Variants in FAHD2A observed in about 807,000 individuals in gnomAD.
The protein encoded by FAHD2A is oxaloacetate tautomerase FAHD2A, mitochondrial.
Under a neutral mutation model 33.4 loss-of-function variants are expected in FAHD2A, and 27 were observed. That is an observed-to-expected ratio of 0.81 (90% CI 0.60 to 1.11). The LOEUF (loss-of-function observed/expected upper bound fraction) is 1.11, where lower values mean the gene tolerates loss of function less well. FAHD2A is among the 50% of genes most tolerant of loss of function. The probability of loss-of-function intolerance (pLI) is 0.00; values close to 1 mark genes in which losing one functional copy is unlikely to be tolerated. For synonymous variants in FAHD2A, 130 were observed against 153.3 expected (o/e 0.85, Z 1.12); for missense variants, 296 against 395.0 (o/e 0.75, Z 2.12).
chr2:95,413,412 G>A lies in FAHD2A; in HGVS notation c.*455G>A, dbSNP rs1324286317. ...TGGCTCTAGGACACAGCTGTGTTCT[G>A]GGGCTCAGAAGTCTCAGCACAGGCT... On this transcript the variant is annotated 3_prime_UTR_variant, in exon 8 of 8. Transcript: ENST00000233379. The A allele has an allele frequency of 1.8e-5, 28 of 1,598,706 alleles. No individual in the cohort carries two copies. The highest frequency in any genetic ancestry group is 2.2e-5 in the Non-Finnish European group (26 of 1,176,290).
chr2:95,407,176 C>T lies in FAHD2A; in HGVS notation c.462+19C>T. The T allele has an allele frequency of 1.2e-6, 2 of 1,611,952 alleles. No homozygotes were observed. Among genetic ancestry groups the T allele is most frequent in the Middle Eastern group, 2.3e-4 (1 of 4,430 alleles). On this transcript the variant is annotated intron_variant, in intron 3 of 7. Coordinates refer to ENST00000233379, the MANE Select transcript of FAHD2A (RefSeq NM_016044.3). ...GAGCCAGGTCAGTGTCTCCCCACTG[C>T]CCTCCCTAGTCACTGGGCCCATCAC...
At chr2:95,405,048 G>A (rs1294394862) in intron 1 of FAHD2A, among the ~76,000 whole-genome samples, 5 of 152,200 alleles carry the variant, frequency 3.3e-5, no homozygotes, top group African/African-American at 7.2e-5. Context: ...TTTCACCAGC[G>A]TCACTTGCCC....
chr2:95,409,855 G>T (rs1224960448), intron 3 of FAHD2A, among the ~76,000 whole-genome samples: 1 of 152,118 alleles, frequency 6.6e-6, no homozygotes, highest in Non-Finnish European at 1.5e-5. Flanking sequence ...GATGTTCTAG[G>T]CTTATCATGT....
downstream of FAHD2A, among the ~76,000 whole-genome samples, chr2:95,420,970 T>G (rs1189098876): frequency 3.3e-5 from 5 of 151,236 alleles, no homozygotes; most frequent in Non-Finnish European, 7.4e-5. Flanking sequence ...GTAACTAACT[T>G]TCATAAATGT....
In FAHD2A at chr2:95,416,558, C is replaced by G. The variant is rs1425626609; in HGVS notation, c.*3601C>G. The G allele has an allele frequency of 2.0e-5, 3 of 152,318 alleles. No homozygotes were observed. Among genetic ancestry groups the G allele is most frequent in the Non-Finnish European group, 4.4e-5 (3 of 68,136 alleles). The allele number at this position is 152,318 out of a possible 1,614,324, so 9.4% of individuals were successfully genotyped here. A position where few individuals can be genotyped will look rare whatever the true frequency, so the allele number is the denominator to read the frequency against. ...CCTCAGCTCATGTCTAGCACCCAGTCTCCCAACCCCACACATATTCACAAA... is the reference window on the plus strand; with the variant it reads ...CCTCAGCTCATGTCTAGCACCCAGTGTCCCAACCCCACACATATTCACAAA... On this transcript the variant is annotated 3_prime_UTR_variant, in exon 8 of 8. Transcript: ENST00000233379.
Position 95,414,471 on chromosome 2 carries a change from T to C in FAHD2A, c.*1514T>C, listed in dbSNP as rs1428893492. The C allele has an allele frequency of 3.9e-6, 2 of 507,892 alleles. No homozygotes were observed. Among genetic ancestry groups the C allele is most frequent in the African/African-American group, 3.9e-5 (2 of 50,900 alleles). 31.5% of individuals were successfully genotyped at this position (507,892 alleles called of 1,614,324 possible). A position where few individuals can be genotyped will look rare whatever the true frequency, so the allele number is the denominator to read the frequency against. The stretch of plus-strand genomic sequence containing the variant: ...CACTGCTTCGTCCCAGATTCTGTTT[T>C]TGTTTTCCTGAATCAGACTTAGTCT... On this transcript the variant is annotated 3_prime_UTR_variant, in exon 8 of 8. Transcript: ENST00000233379.
chr2:95,409,388 C>T (rs1257192132), intron 3 of FAHD2A, among the ~76,000 whole-genome samples: 1 of 151,906 alleles, frequency 6.6e-6, no homozygotes, highest in African/African-American at 2.4e-5. Context: ...AATTTCAGCA[C>T]ACCTCTGCCT....
rs1424789397 is a variant in FAHD2A, at chr2:95,413,542, G to T, written c.*585G>T. ...AGGGGACAGGTGGAGCCTGGGGCCT[G>T]CAGGGCTCGGCGTCTGCTGCAGAAC... On this transcript the variant is annotated 3_prime_UTR_variant, in exon 8 of 8. Transcript: ENST00000233379. The T allele has an allele frequency of 2.5e-6, 4 of 1,593,194 alleles. No individual in the cohort carries two copies. In the African/African-American group the frequency reaches 5.4e-5, roughly 21 times the overall value.
At chr2:95,407,677 G>A (rs1451919607) in intron 3 of FAHD2A, among the ~76,000 whole-genome samples, 2 of 152,192 alleles carry the variant, frequency 1.3e-5, no homozygotes, top group African/African-American at 4.8e-5. Flanking sequence ...TCCTTATGTG[G>A]AAAAGGCTTT....
intron 3 of FAHD2A, among the ~76,000 whole-genome samples, chr2:95,408,303 G>T (rs551809518): frequency 2.0e-5 from 3 of 152,124 alleles, no homozygotes; most frequent in Non-Finnish European, 2.9e-5. Flanking sequence ...TACTTCGTTT[G>T]TTGCTCCATG....
At chr2:95,409,438 A>G (rs1018848233) in intron 3 of FAHD2A, among the ~76,000 whole-genome samples, 1 of 152,030 alleles carries the variant, frequency 6.6e-6, no homozygotes, top group Non-Finnish European at 1.5e-5. Context: ...CCTCCTGAGT[A>G]GCTGGGATTA....
chr2:95,419,503 TG>T (rs1558810967), downstream of FAHD2A, among the ~76,000 whole-genome samples: 7 of 152,036 alleles, frequency 4.6e-5, no homozygotes, highest in East Asian at 1.4e-3. Context: ...TCATCCTGGG[TG>T]AGGTGTCTTG....
rs2259211 is a variant in FAHD2A, at chr2:95,415,338, G to A, written c.*2381G>A. On this transcript the variant is annotated 3_prime_UTR_variant, in exon 8 of 8. Coordinates refer to ENST00000233379, the MANE Select transcript of FAHD2A (RefSeq NM_016044.3). ...TCCTCACTAACACCCGAGAAGCCCA[G>A]ACTTCCCAGTGTTTAGCAACAGATT... The A allele has an allele frequency of 6.6e-6, 1 of 151,220 alleles. No individual in the cohort carries two copies. The highest frequency in any genetic ancestry group is 1.5e-5 in the Non-Finnish European group (1 of 67,974). 9.4% of individuals were successfully genotyped at this position (151,220 alleles called of 1,614,324 possible).
downstream of FAHD2A, among the ~76,000 whole-genome samples, chr2:95,418,120 T>A (rs568838046): frequency 3.8e-4 from 57 of 151,574 alleles, 2 homozygotes; most frequent in African/African-American, 1.2e-3. Context: ...TCTCACCTAC[T>A]CCTTCAGGGG....
chr2:95,414,010 C>T lies in FAHD2A; in HGVS notation c.*1053C>T. On this transcript the variant is annotated 3_prime_UTR_variant, in exon 8 of 8. Coordinates refer to ENST00000233379, the MANE Select transcript of FAHD2A (RefSeq NM_016044.3). Reference sequence around the variant, plus strand: ...GCACTGATGGCAAGCTTTGGGTCTGCACACTCTGGAAAGAAGAGAGAAGTG... The same window carrying T: ...GCACTGATGGCAAGCTTTGGGTCTGTACACTCTGGAAAGAAGAGAGAAGTG... 8 of 1,452,928 alleles carry T rather than the reference C, an allele frequency of 5.5e-6. No individual in the cohort carries two copies. In the Admixed American group the frequency reaches 6.7e-5, roughly 12 times the overall value. The allele number at this position is 1,452,928 out of a possible 1,614,324, so 90.0% of individuals were successfully genotyped here.
Position 95,412,421 on chromosome 2 carries a change from C to T in FAHD2A, c.686-13C>T. ...AAAAGGGATAACTCCAAGGTACCAT[C>T]TTTGCATTTCAGATCCACACAACTT... is the stretch of plus-strand genomic sequence containing the variant. On this transcript the variant is annotated splice_polypyrimidine_tract_variant and intron_variant, in intron 5 of 7. Coordinates refer to ENST00000233379, the MANE Select transcript of FAHD2A (RefSeq NM_016044.3). The T allele has an allele frequency of 6.2e-7, 1 of 1,613,480 alleles. No individual in the cohort carries two copies. Among genetic ancestry groups the T allele is most frequent in the Non-Finnish European group, 8.5e-7 (1 of 1,179,798 alleles).
rs1681652724 is a variant in FAHD2A, at chr2:95,406,880, C to T, written c.246-61C>T. On this transcript the variant is annotated intron_variant, in intron 2 of 7. Coordinates refer to ENST00000233379, the MANE Select transcript of FAHD2A (RefSeq NM_016044.3). ...TGTAGCTGCTGCAGGATCTGCCCAG[C>T]CTGCCCGGGATTGCCCACCTGTTCC... is the stretch of plus-strand genomic sequence containing the variant. 2.0e-6 allele frequency: 3 copies of T among 1,513,428 alleles called. No individual in the cohort carries two copies. The African/African-American group carries it at 4.2e-5, about 21-fold the overall frequency. The allele number at this position is 1,513,428 out of a possible 1,614,324, so 93.7% of individuals were successfully genotyped here.
In FAHD2A at chr2:95,415,368, T is replaced by C. The variant is rs1231118858; in HGVS notation, c.*2411T>C. The C allele has an allele frequency of 6.7e-6, 1 of 149,034 alleles. No homozygotes were observed. Among genetic ancestry groups the C allele is most frequent in the East Asian group, 2.0e-4 (1 of 5,074 alleles). 9.2% of individuals were successfully genotyped at this position (149,034 alleles called of 1,614,324 possible). A position where few individuals can be genotyped will look rare whatever the true frequency, so the allele number is the denominator to read the frequency against. On this transcript the variant is annotated 3_prime_UTR_variant, in exon 8 of 8. Coordinates refer to ENST00000233379, the MANE Select transcript of FAHD2A (RefSeq NM_016044.3). ...CCCAGTGTTTAGCAACAGATTAAAC[T>C]CTAAGCCAACAACAACAGAACAGGG... is the stretch of plus-strand genomic sequence containing the variant.
rs766633125 is a variant in FAHD2A, at chr2:95,405,656, G to A, written c.98G>A (p.Arg33Gln). 8.7e-6 allele frequency: 14 copies of A among 1,613,970 alleles called. No homozygotes were observed. The highest frequency in any genetic ancestry group is 6.7e-5 in the Admixed American group (4 of 59,942). ...AGAGACATGAGACTAGTGCAGTTCC[G>A]GGCACCCCACCTGGTGGGGCCTCAC... ...PSRDMRLVQF[R>Q]APHLVGPHLG... Residue 33 changes from arginine to glutamine, a missense_variant, in exon 2 of 8, where the codon CGG becomes CAG. By Grantham distance (43) the Arg-to-Gln change is conservative (BLOSUM62 1). Transcript: ENST00000233379.
Sources: gnomAD v4.1 joint callset for allele counts (sites outside exome capture counted in the v4.1 genomes callset) on GRCh38, gnomAD v4.1.1 for gene constraint, MANE v1.5 for transcripts, NCBI Gene and HGNC (gene_info 2026-07-23, HGNC 2026-07-21) for gene names.